Variants in CACNA1B observed in about 807,000 individuals in gnomAD.
CACNA1B encodes the protein voltage-dependent N-type calcium channel subunit alpha-1B.
A neutral mutation model predicts 247.2 loss-of-function variants in CACNA1B; 70 were observed. That is an observed-to-expected ratio of 0.28 (90% CI 0.23 to 0.35). The LOEUF (loss-of-function observed/expected upper bound fraction) is 0.35, where lower values mean the gene tolerates loss of function less well. Ranked by LOEUF, CACNA1B falls within the 10% of genes least tolerant of loss-of-function variation. The pLI, the probability that CACNA1B is intolerant of heterozygous loss-of-function variation, is 1.00. For synonymous variants in CACNA1B, 1,231 were observed against 1,294.4 expected (o/e 0.95, Z 1.05); for missense variants, 2,367 against 3,197.4 (o/e 0.74, Z 6.26).
At chr9:138,087,295 GA>G (rs1447378404) in intron 36 of CACNA1B, among the ~76,000 whole-genome samples, 5 of 138,110 alleles carry the variant, frequency 3.6e-5, no homozygotes, top group Admixed American at 7.7e-5. Context: ...TGAGGCAGGA[GA>G]ATCACTTGAA....
At chr9:138,080,085 C>A (rs567035104) in intron 36 of CACNA1B, among the ~76,000 whole-genome samples, 1 of 152,314 alleles carries the variant, frequency 6.6e-6, no homozygotes, top group Admixed American at 6.5e-5. Context: ...GTGGCCCTGA[C>A]TCCAAGGAGG....
At chr9:138,112,124 T>TGCATGCACACACACATGC (rs112240559) in intron 39 of CACNA1B, among the ~76,000 whole-genome samples, 1 of 151,446 alleles carries the variant, frequency 6.6e-6, no homozygotes, top group Non-Finnish European at 1.5e-5. Flanking sequence ...GCAGTGCACA[T>TGCATGCACACACACATGC]GCATGCACAC....
Position 137,957,544 on chromosome 9 carries a change from G to A in CACNA1B, c.1244-54G>A. 7.3e-7 allele frequency: 1 copy of A among 1,366,880 alleles called. No homozygotes were observed. The highest frequency in any genetic ancestry group is 1.4e-5 in the South Asian group (1 of 73,068). 84.7% of individuals were successfully genotyped at this position (1,366,880 alleles called of 1,614,324 possible). On this transcript the variant is annotated intron_variant, in intron 9 of 46. Transcript: ENST00000371372. This position sits in a 1 kb window ranked among gnomAD's most constrained non-coding sequence, Gnocchi z 4.7. ...GGTGATCCCATGCCCCGCTGAGGCA[G>A]GTGGCCTGAGGGCTGCAGCTCAGGC...
At chr9:137,958,132 T>C (rs1038064797) in intron 10 of CACNA1B, among the ~76,000 whole-genome samples, 1 of 131,264 alleles carries the variant, frequency 7.6e-6, no homozygotes, top group African/African-American at 3.6e-5. Context: ...ACTTCCTTGC[T>C]GTACAGCAGT....
chr9:137,896,917 C>G (rs1241318772), intron 3 of CACNA1B, among the ~76,000 whole-genome samples: 2 of 152,170 alleles, frequency 1.3e-5, no homozygotes, highest in African/African-American at 4.8e-5. Context: ...TAGAGTTGTT[C>G]ACAGTGTTCC....
At position 137,884,963 on chromosome 9, in the gene CACNA1B, C is replaced by CCCG. The variant is rs1554919659; in HGVS notation, c.530+2082_530+2083insGCC. Among the ~76,000 whole-genome samples the CCCG allele has an allele frequency of 1.2e-3, 124 of 107,094 alleles. 3 individuals are homozygous for CCCG. The South Asian group carries it at 0.018, about 15-fold the overall frequency. 70.3% of individuals were successfully genotyped at this position (107,094 alleles called of 152,430 possible). ...TCTCCCTCCTCTCCCCTCTTCCCCC[C>CCCG]CCCCCTCCTCCCACTTTGCCTGTCT... is the stretch of plus-strand genomic sequence containing the variant. On this transcript the variant is annotated intron_variant, in intron 3 of 46. Transcript: ENST00000371372.
Position 138,057,431 on chromosome 9 carries a change from G to A in CACNA1B, c.3969-301G>A, listed in dbSNP as rs139867025. ...TTTTATTCTGTTGCTCATGATTTTG[G>A]TGTCACATCTAAGGCTCCATTCCCA... On this transcript the variant is annotated intron_variant, in intron 26 of 46. Transcript: ENST00000371372. This position sits in a 1 kb window ranked among gnomAD's most constrained non-coding sequence, Gnocchi z 4.0. Among the ~76,000 whole-genome samples, 216 of 152,188 alleles carry A rather than the reference G, an allele frequency of 1.4e-3. 2 individuals carry two copies. The highest frequency in any genetic ancestry group is 5.1e-3 in the African/African-American group (212 of 41,532).
chr9:138,040,463 T>C (rs1311774266), intron 20 of CACNA1B: 1 of 176,390 alleles, frequency 5.7e-6, no homozygotes, highest in African/African-American at 2.6e-5. Flanking sequence ...CCTATATATA[T>C]ATGTATCTCC....
intron 6 of CACNA1B, among the ~76,000 whole-genome samples, chr9:137,948,719 T>TGC (rs1179955838): frequency 1.3e-5 from 2 of 149,434 alleles, no homozygotes; most frequent in East Asian, 2.0e-4. Context: ...GTGTGTGGTG[T>TGC]ATGTGGTGTG....
Position 137,917,269 on chromosome 9 carries a change from T to C in CACNA1B, c.804T>C (p.Cys268=), listed in dbSNP as rs749889596. The part of the protein sequence containing the change: ...TDAEPVGDFP[C]GKEAPARLCE... The stretch of plus-strand genomic sequence containing the variant: ...CGGAGCCCGTGGGTGACTTCCCCTG[T>C]GGCAAGGAGGCCCCAGCCCGGCTGT... Residue 268 remains cysteine, a synonymous_variant, in exon 6 of 47, where the codon TGT becomes TGC. Coordinates refer to ENST00000371372, the MANE Select transcript of CACNA1B (RefSeq NM_000718.4). The surrounding 1 kb of genome is among the most constrained non-coding windows in gnomAD (Gnocchi z 5.5). The C allele has an allele frequency of 6.2e-7, 1 of 1,613,672 alleles. No individual in the cohort carries two copies. Among genetic ancestry groups the C allele is most frequent in the Non-Finnish European group, 8.5e-7 (1 of 1,179,718 alleles).
intron 20 of CACNA1B, among the ~76,000 whole-genome samples, chr9:138,025,735 G>A (rs114807069): frequency 6.6e-5 from 10 of 152,178 alleles, no homozygotes; most frequent in Admixed American, 6.5e-4. Context: ...ATGCCTGCCT[G>A]TGTGCAGTCC....
In CACNA1B at chr9:138,122,496, TG is replaced by T; in HGVS notation, c.*498del. On this transcript the variant is annotated 3_prime_UTR_variant, in exon 47 of 47. Transcript: ENST00000371372. ...TGTGCAGCCCGCCAGTGTCAGCGAA[TG>T]CTCACTCAGGCAAGCTCTGTCCTCC... 6.3e-6 allele frequency: 1 copy of T among 159,794 alleles called. No individual in the cohort carries two copies. The highest frequency in any genetic ancestry group is 1.4e-5 in the Non-Finnish European group (1 of 72,886). 9.9% of individuals were successfully genotyped at this position (159,794 alleles called of 1,614,324 possible).
chr9:138,085,162 CAA>C (rs1960654970), intron 36 of CACNA1B, among the ~76,000 whole-genome samples: 1 of 150,338 alleles, frequency 6.7e-6, no homozygotes, highest in Non-Finnish European at 1.5e-5. Flanking sequence ...AAAAATTCAA[CAA>C]AGAGATAGGA....
At chr9:138,080,354 T>A (rs916729257) in intron 36 of CACNA1B, among the ~76,000 whole-genome samples, 2 of 152,106 alleles carry the variant, frequency 1.3e-5, no homozygotes, top group African/African-American at 2.4e-5. Flanking sequence ...GCCGGAAAAG[T>A]AGGCGATGTG....
intron 31 of CACNA1B, among the ~76,000 whole-genome samples, chr9:138,069,125 G>A (rs1350899888): frequency 6.6e-6 from 1 of 152,240 alleles, no homozygotes; most frequent in African/African-American, 2.4e-5. Flanking sequence ...GCCTGGAGGA[G>A]AAAAGATGAA....
rs577932447 is a variant in CACNA1B, at chr9:138,010,180, G to A, written c.2160+103G>A. On this transcript the variant is annotated intron_variant, in intron 17 of 46. Coordinates refer to ENST00000371372, the MANE Select transcript of CACNA1B (RefSeq NM_000718.4). This position sits in a 1 kb window ranked among gnomAD's most constrained non-coding sequence, Gnocchi z 5.3. ...GGGTTAGGGCCTCGTGTCCAGGAGC[G>A]TTGCCTTGGGTCCTGGCGGGCAGAG... 34 of 863,588 alleles carry A rather than the reference G, an allele frequency of 3.9e-5. No homozygotes were observed. Among genetic ancestry groups the A allele is most frequent in the African/African-American group, 2.5e-4 (15 of 60,312 alleles). 53.5% of individuals were successfully genotyped at this position (863,588 alleles called of 1,614,324 possible).
Position 138,117,533 on chromosome 9 carries a change from C to T in CACNA1B, c.5778-413C>T, listed in dbSNP as rs540062735. Among the ~76,000 whole-genome samples the T allele has an allele frequency of 2.6e-5, 4 of 152,322 alleles. No individual in the cohort carries two copies. The South Asian group carries it at 6.2e-4, about 24-fold the overall frequency. On this transcript the variant is annotated intron_variant, in intron 42 of 46. Coordinates refer to ENST00000371372, the MANE Select transcript of CACNA1B (RefSeq NM_000718.4). ...CTAATGCAGGCTGTACACATGCGGC[C>T]CCACTCCTTCCCAGGATAGTCCTGT...
chr9:137,886,749 T>C, intron 3 of CACNA1B, among the ~76,000 whole-genome samples: 1 of 151,580 alleles, frequency 6.6e-6, no homozygotes, highest in Non-Finnish European at 1.5e-5. Context: ...AGTTGCGGCA[T>C]GGGCGTGCCC....
chr9:138,000,254 A>T (rs1029314388), intron 15 of CACNA1B, among the ~76,000 whole-genome samples: 3 of 152,040 alleles, frequency 2.0e-5, no homozygotes, highest in South Asian at 2.1e-4. Context: ...GCCCGCCACT[A>T]CGCCCGGCTA....
Sources: allele counts gnomAD v4.1 joint callset (sites outside exome capture counted in the v4.1 genomes callset), GRCh38; gene constraint gnomAD v4.1.1; non-coding constraint Gnocchi (gnomAD v3.1); transcripts MANE v1.5; gene names NCBI Gene and HGNC (gene_info 2026-07-23, HGNC 2026-07-21).